Variants in FLNB observed in about 807,000 individuals in gnomAD.
FLNB encodes filamin-B.
Under a neutral mutation model 250.6 loss-of-function variants are expected in FLNB, and 111 were observed. That is an observed-to-expected ratio of 0.44 (90% CI 0.38 to 0.52). The LOEUF (loss-of-function observed/expected upper bound fraction) is 0.52. FLNB is among the 20% of genes least tolerant of loss of function. FLNB has a pLI of 0.00. For synonymous variants in FLNB, 1,302 were observed against 1,372.1 expected (o/e 0.95, Z 1.13); for missense variants, 2,869 against 3,447.8 (o/e 0.83, Z 4.20).
intron 1 of FLNB, among the ~76,000 whole-genome samples, chr3:58,036,221 T>A (rs2097137966): frequency 1.3e-5 from 2 of 152,218 alleles, no homozygotes; most frequent in East Asian, 3.9e-4. Flanking sequence ...ACCTAACGAG[T>A]TCACCTTGCC....
At chr3:58,013,841 T>G (rs779536266) in intron 1 of FLNB, among the ~76,000 whole-genome samples, 5 of 151,980 alleles carry the variant, frequency 3.3e-5, no homozygotes, top group Non-Finnish European at 1.5e-5. Context: ...AGTAGCAAAG[T>G]AGCATGCTTT....
At chr3:58,106,645 A>G (rs765902974) in intron 11 of FLNB, 35 bp from the exon 12 acceptor site, 30 of 1,600,678 alleles carry the variant, frequency 1.9e-5, no homozygotes, top group South Asian at 3.3e-5. Flanking sequence ...TTTCCACCAT[A>G]TAACCAGGGA....
chr3:58,109,230 A>G lies in FLNB; in HGVS notation c.2107A>G (p.Thr703Ala). 1 of 1,614,256 alleles carries G rather than the reference A, an allele frequency of 6.2e-7. No homozygotes were observed. Among genetic ancestry groups the G allele is most frequent in the Non-Finnish European group, 8.5e-7 (1 of 1,180,052 alleles). Residue 703 changes from threonine (T) to alanine (A), a missense_variant, in exon 14 of 46, where the codon ACA becomes GCA. Physicochemically the swap from Thr to Ala is moderately conservative, Grantham distance 58. Around this residue, in one of 5 missense-constraint regions of FLNB, gnomAD observed 1,348 missense variants for 1,466.7 expected, o/e 0.92. Coordinates refer to ENST00000295956, the MANE Select transcript of FLNB (RefSeq NM_001457.4). ...DIQMKNRMDG[T>A]YACSYTPVKA... ...CCAGATGAAGAACCGGATGGACGGC[A>G]CATATGCATGCTCATACACCCCGGT... is the stretch of plus-strand genomic sequence containing the variant.
chr3:58,020,592 T>A (rs889718470), intron 1 of FLNB, among the ~76,000 whole-genome samples: 21 of 152,158 alleles, frequency 1.4e-4, no homozygotes, highest in African/African-American at 5.1e-4. Context: ...CCCTTTATGC[T>A]GGCATGAATT....
chr3:58,088,109 T>A (rs1428302792), intron 4 of FLNB, among the ~76,000 whole-genome samples: 5 of 145,270 alleles, frequency 3.4e-5, no homozygotes, highest in African/African-American at 1.3e-4. Flanking sequence ...TGGTATGATC[T>A]TGGCTCGCTG....
intron 16 of FLNB, among the ~76,000 whole-genome samples, 199 bp downstream of exon 16, chr3:58,110,369 C>G (rs1006070241): frequency 6.0e-5 from 9 of 149,980 alleles, no homozygotes; most frequent in African/African-American, 2.2e-4. Context: ...TTCAAGTGAT[C>G]CTCCCACCTC....
chr3:58,133,029 T>TTCCA, intron 26 of FLNB, 98 bp downstream of exon 26: 2 of 1,352,138 alleles, frequency 1.5e-6, no homozygotes, highest in Non-Finnish European at 2.0e-6. Context: ...TCCTCCATCA[T>TTCCA]TCCATCCATC....
chr3:58,043,694 A>T (rs1576626519), intron 1 of FLNB, among the ~76,000 whole-genome samples: 1 of 152,198 alleles, frequency 6.6e-6, no homozygotes, highest in East Asian at 1.9e-4. Context: ...AAACCCAGCC[A>T]GAAAGGAGAG....
intron 1 of FLNB, among the ~76,000 whole-genome samples, chr3:58,060,897 G>A (rs2097177569): frequency 6.6e-6 from 1 of 151,956 alleles, no homozygotes; most frequent in Admixed American, 6.6e-5. Context: ...CGACTCCTCT[G>A]GCAAGCTGTT....
intron 32 of FLNB, among the ~76,000 whole-genome samples, chr3:58,144,193 AC>A (rs1210970880): frequency 1.1e-4 from 16 of 151,930 alleles, no homozygotes; most frequent in African/African-American, 3.6e-4. Context: ...TTTCCTTCCT[AC>A]CCCTCTCCTT....
At position 58,104,010 on chromosome 3, in the gene FLNB, C is replaced by T; in HGVS notation, c.1535C>T (p.Ala512Val). The T allele has an allele frequency of 6.2e-7, 1 of 1,613,682 alleles. No individual in the cohort carries two copies. Among genetic ancestry groups the T allele is most frequent in the East Asian group, 2.2e-5 (1 of 44,868 alleles). Residue 512 changes from alanine (A) to valine (V), a missense_variant, in exon 10 of 46, where the codon GCA becomes GTA. Transcript: ENST00000295956. ...AAAGACTTTCTGGATGGGGTCTACG[C>T]ATTCGAGTATTACCCCAGCACCCCG... The part of the protein sequence containing the change: ...KQKDFLDGVY[A>V]FEYYPSTPGR...
intron 38 of FLNB, 149 bp from the exon 39 acceptor site, chr3:58,153,226 C>A: frequency 2.2e-6 from 2 of 910,328 alleles, no homozygotes; most frequent in South Asian, 1.5e-5. Context: ...GAAGGGCAGG[C>A]ACCCAGCCTG....
chr3:58,146,943 A>G lies in FLNB; in HGVS notation c.5678A>G (p.Lys1893Arg). ...CCAGGCGACTACAGCATTCTGGTCAAGTACAATGACAAGCACATCCCTGGC... is the reference window on the plus strand; with the variant it reads ...CCAGGCGACTACAGCATTCTGGTCAGGTACAATGACAAGCACATCCCTGGC... The part of the protein sequence containing the change: ...TLPGDYSILV[K>R]YNDKHIPGSP... Residue 1893 changes from lysine to arginine, a missense_variant, in exon 34 of 46, where the codon AAG (lysine) becomes AGG (arginine). Coordinates refer to ENST00000295956, the MANE Select transcript of FLNB (RefSeq NM_001457.4). 2 of 1,614,220 alleles carry G rather than the reference A, an allele frequency of 1.2e-6. No homozygotes were observed. Among genetic ancestry groups the G allele is most frequent in the Non-Finnish European group, 1.7e-6 (2 of 1,180,046 alleles).
In FLNB at chr3:58,090,474, A is replaced by G. The variant is rs79178523; in HGVS notation, c.788-4362A>G. Among the ~76,000 whole-genome samples the G allele has an allele frequency of 1.1e-3, 162 of 152,320 alleles. 1 individual carries two copies. The East Asian group carries it at 0.028, about 27-fold the overall frequency. ...TCATCAAGTATTATGTATTGAACATAATTGTCTGTGCTATATATGTTTCTA... is the reference window on the plus strand; with the variant it reads ...TCATCAAGTATTATGTATTGAACATGATTGTCTGTGCTATATATGTTTCTA... On this transcript the variant is annotated intron_variant, in intron 4 of 45. Transcript: ENST00000295956.
chr3:58,012,767 A>T (rs905433025), intron 1 of FLNB, among the ~76,000 whole-genome samples: 2 of 152,196 alleles, frequency 1.3e-5, no homozygotes, highest in East Asian at 3.8e-4. Context: ...CCAATGGATG[A>T]TGTTTTATTC....
intron 1 of FLNB, among the ~76,000 whole-genome samples, chr3:58,010,916 C>G (rs1450993437): frequency 1.3e-5 from 2 of 152,042 alleles, no homozygotes; most frequent in East Asian, 3.9e-4. Flanking sequence ...CTCCCCCTCC[C>G]CACCACCGCC....
intron 1 of FLNB, among the ~76,000 whole-genome samples, chr3:58,017,094 A>G (rs959345592): frequency 6.6e-6 from 1 of 152,176 alleles, no homozygotes; most frequent in Non-Finnish European, 1.5e-5. Context: ...CTGGGAAGAA[A>G]GCTTTTTGGG....
intron 29 of FLNB, 29 bp downstream of exon 29, chr3:58,138,558 C>T (rs745667509): frequency 2.5e-6 from 4 of 1,613,556 alleles, no homozygotes; most frequent in Non-Finnish European, 8.5e-7. Context: ...CCCGAGCATG[C>T]TGTTATTGGT....
chr3:58,155,541 G>A (rs184946804), intron 40 of FLNB, among the ~76,000 whole-genome samples: 277 of 151,800 alleles, frequency 1.8e-3, no homozygotes, highest in Admixed American at 3.6e-3. Context: ...AAAATGATAC[G>A]TCAAAATAAC....
Sources: allele counts gnomAD v4.1 joint callset (sites outside exome capture counted in the v4.1 genomes callset), GRCh38; gene constraint gnomAD v4.1.1; regional missense constraint gnomAD v4.1.1; transcripts MANE v1.5; gene names NCBI Gene and HGNC (gene_info 2026-07-23, HGNC 2026-07-21).